Variants in ADAM32 observed in about 807,000 individuals in gnomAD.
The protein encoded by ADAM32 is disintegrin and metalloproteinase domain-containing protein 32.
ADAM32 carries 89 observed loss-of-function variants against 114.9 expected under a neutral mutation model. That is an observed-to-expected ratio of 0.77 (90% CI 0.65 to 0.92). The LOEUF is 0.92. ADAM32 is among the 40% of genes least tolerant of loss of function. ADAM32 has a pLI of 0.00. For synonymous variants in ADAM32, 285 were observed against 307.5 expected, an observed-to-expected ratio of 0.93 and a Z score of 0.77; for missense variants, 870 against 932.8, an observed-to-expected ratio of 0.93 and a Z score of 0.88.
At chr8:39,263,261 G>A (rs1585675637) in intron 19 of ADAM32, among the ~76,000 whole-genome samples, 1 of 152,102 alleles carries the variant, frequency 6.6e-6, no homozygotes, top group East Asian at 1.9e-4. Context: ...AGGCTTTTAA[G>A]GATATGCCTT....
intron 12 of ADAM32, among the ~76,000 whole-genome samples, chr8:39,211,705 G>A (rs2129448373): frequency 6.6e-6 from 1 of 152,266 alleles, no homozygotes; most frequent in East Asian, 1.9e-4. Context: ...GGAATCAGTA[G>A]TACAGGAATC....
At chr8:39,147,907 G>C (rs1233396660) in intron 4 of ADAM32, among the ~76,000 whole-genome samples, 1 of 151,968 alleles carries the variant, frequency 6.6e-6, no homozygotes, top group African/African-American at 2.4e-5. Flanking sequence ...CCGAGTATTT[G>C]GGATTACAGG....
At chr8:39,160,623 T>G (rs926074586) in intron 6 of ADAM32, among the ~76,000 whole-genome samples, 19 of 150,426 alleles carry the variant, frequency 1.3e-4, no homozygotes, top group Admixed American at 1.1e-3. Flanking sequence ...GATATGCAGA[T>G]GAAGTAGATG....
intron 2 of ADAM32, among the ~76,000 whole-genome samples, chr8:39,131,211 C>T (rs559035765): frequency 1.3e-5 from 2 of 152,244 alleles, no homozygotes; most frequent in Non-Finnish European, 2.9e-5. Flanking sequence ...CCGCCTCGGC[C>T]TCCTAAAGTG....
At chr8:39,277,524 G>A (rs1361210054) in intron 22 of ADAM32, among the ~76,000 whole-genome samples, 1 of 152,324 alleles carries the variant, frequency 6.6e-6, no homozygotes, top group South Asian at 2.1e-4. Flanking sequence ...CCCTTCAGGG[G>A]ACTCATGACA....
intron 2 of ADAM32, among the ~76,000 whole-genome samples, chr8:39,124,800 A>G (rs1437066010): frequency 3.9e-5 from 6 of 152,182 alleles, no homozygotes; most frequent in African/African-American, 9.7e-5. Context: ...TACTGCTGCA[A>G]TAAACATACA....
At position 39,236,289 on chromosome 8, in the gene ADAM32, T is replaced by A. The variant is rs1292503913; in HGVS notation, c.1818+2207T>A. Among the ~76,000 whole-genome samples, 54 of 152,164 alleles carry A rather than the reference T, an allele frequency of 3.5e-4. 1 individual carries two copies. The highest frequency in any genetic ancestry group is 3.5e-3 in the Admixed American group (53 of 15,274). Reference sequence around the variant, plus strand: ...ATATGCCATTATTATATGGAGTTAATTTTTTACTATGTAAAACTTTTGTAT... The same window carrying A: ...ATATGCCATTATTATATGGAGTTAAATTTTTACTATGTAAAACTTTTGTAT... On this transcript the variant is annotated intron_variant, in intron 16 of 24. Transcript: ENST00000379907.
intron 16 of ADAM32, among the ~76,000 whole-genome samples, chr8:39,239,679 G>C (rs976097473): frequency 1.3e-5 from 2 of 152,132 alleles, no homozygotes; most frequent in African/African-American, 4.8e-5. Flanking sequence ...GTCTTTAAAA[G>C]ACTCACCTAA....
At chr8:39,258,124 GTTTT>G (rs1207216401) in intron 19 of ADAM32, among the ~76,000 whole-genome samples, 2 of 150,264 alleles carry the variant, frequency 1.3e-5, no homozygotes, top group East Asian at 1.9e-4. Context: ...TGGTTTGTTT[GTTTT>G]GTCTTTTTTT....
chr8:39,204,337 A>G (rs995906184), intron 11 of ADAM32, among the ~76,000 whole-genome samples: 11 of 151,738 alleles, frequency 7.2e-5, no homozygotes, highest in African/African-American at 2.7e-4. Flanking sequence ...ATTTCTTTTC[A>G]CTGTTTTTTC....
intron 11 of ADAM32, among the ~76,000 whole-genome samples, chr8:39,209,070 A>C (rs762287251): frequency 3.9e-5 from 6 of 152,004 alleles, no homozygotes; most frequent in Non-Finnish European, 7.4e-5. Flanking sequence ...TCTTTTAAAT[A>C]ACTTTTCTAC....
At chr8:39,168,830 A>AG (rs1228322749) in intron 9 of ADAM32, 3 of 152,186 alleles carry the variant, frequency 2.0e-5, no homozygotes, top group Non-Finnish European at 4.4e-5. Context: ...GCACGTCAAA[A>AG]GGTGTCAGTA....
chr8:39,241,668 C>A (rs1184324493), intron 16 of ADAM32, among the ~76,000 whole-genome samples: 1 of 152,232 alleles, frequency 6.6e-6, no homozygotes, highest in Non-Finnish European at 1.5e-5. Context: ...ATGCAGGGCA[C>A]CAAGTCCCTA....
At chr8:39,251,263 G>C (rs1322873824) in intron 17 of ADAM32, among the ~76,000 whole-genome samples, 1 of 151,646 alleles carries the variant, frequency 6.6e-6, no homozygotes, top group Non-Finnish European at 1.5e-5. Flanking sequence ...ATTTTTTATA[G>C]TGGCTGTACT....
intron 10 of ADAM32, among the ~76,000 whole-genome samples, chr8:39,175,857 G>A (rs1805492201): frequency 6.6e-6 from 1 of 152,018 alleles, no homozygotes; most frequent in Non-Finnish European, 1.5e-5. Context: ...CTCCATTTCA[G>A]AACTCATTTA....
At chr8:39,162,955 C>T (rs762733743) in intron 7 of ADAM32, among the ~76,000 whole-genome samples, 1 of 152,130 alleles carries the variant, frequency 6.6e-6, no homozygotes, top group Admixed American at 6.5e-5. Flanking sequence ...GAGCCGAGAT[C>T]GCACCACTGG....
chr8:39,158,968 C>T (rs1238163604), intron 6 of ADAM32, among the ~76,000 whole-genome samples: 1 of 151,928 alleles, frequency 6.6e-6, no homozygotes, highest in African/African-American at 2.4e-5. Flanking sequence ...GCTTTTTGAA[C>T]ATATTTTAAA....
intron 14 of ADAM32, among the ~76,000 whole-genome samples, chr8:39,228,527 G>A (rs1809540807): frequency 6.6e-6 from 1 of 152,148 alleles, no homozygotes; most frequent in African/African-American, 2.4e-5. Context: ...TGTTAGAAAT[G>A]CAAAATCCTC....
intron 20 of ADAM32, 133 bp downstream of exon 20, chr8:39,271,047 T>A: frequency 1.4e-6 from 1 of 727,346 alleles, no homozygotes; most frequent in South Asian, 2.0e-5. Flanking sequence ...ACTGCTAATA[T>A]ATAGTCTAAT....
Sources: allele counts gnomAD v4.1 joint callset (sites outside exome capture counted in the v4.1 genomes callset), GRCh38; gene constraint gnomAD v4.1.1; transcripts MANE v1.5; gene names NCBI Gene and HGNC (gene_info 2026-07-23, HGNC 2026-07-21).